The following CLCN7 variants were observed in gnomAD, a reference collection of about 807,000 sequenced individuals.
CLCN7 encodes the protein H(+)/Cl(-) exchange transporter 7.
CLCN7 carries 60 observed loss-of-function variants against 102.1 expected under a neutral mutation model. The observed-to-expected ratio is 0.59, with a 90% CI of 0.48 to 0.73. The LOEUF is 0.73. Ranked by LOEUF, CLCN7 falls within the 30% of genes least tolerant of loss-of-function variation. The pLI is 0.00. For synonymous variants in CLCN7, 560 were observed against 490.5 expected, an observed-to-expected ratio of 1.14 and a Z score of -1.87; for missense variants, 962 against 1,125.7, an observed-to-expected ratio of 0.85 and a Z score of 2.08.
At chr16:1,474,703 G>A (rs1159034042) in intron 1 of CLCN7, 131 bp downstream of exon 1, 7 of 820,440 alleles carry the variant, frequency 8.5e-6, no homozygotes, top group Non-Finnish European at 6.3e-6. Flanking sequence ...CCCGGGGCGC[G>A]TTCCCGAGTC....
intron 21 of CLCN7, 67 bp downstream of exon 21, chr16:1,448,288 G>A (rs1231019961): frequency 2.5e-6 from 4 of 1,596,294 alleles, no homozygotes; most frequent in Non-Finnish European, 3.4e-6. Flanking sequence ...ACCTTGCCGT[G>A]TGCTTCCCAC....
Position 1,455,715 on chromosome 16 carries a change from A to G in CLCN7, c.981+16T>C, listed in dbSNP as rs368289584. On this transcript the variant is annotated intron_variant, in intron 11 of 24. Coordinates refer to ENST00000382745, the MANE Select transcript of CLCN7 (RefSeq NM_001287.6). ...CATGCACCCTGATCAGGAGGCAGCC[A>G]TCAGCAGGAACTTACGATCCTCCAG... 1 of 1,613,410 alleles carries G rather than the reference A, an allele frequency of 6.2e-7. No homozygotes were observed. Among genetic ancestry groups the G allele is most frequent in the African/African-American group, 1.3e-5 (1 of 74,926 alleles).
chr16:1,460,342 C>T (rs765435400), intron 6 of CLCN7, 76 bp downstream of exon 6: 16 of 1,082,360 alleles, frequency 1.5e-5, no homozygotes, highest in Non-Finnish European at 2.1e-5. Flanking sequence ...GGGTGAGCTG[C>T]AGGGGTTCCC....
Position 1,451,617 on chromosome 16 carries a change from A to G in CLCN7, c.1447+6T>C, listed in dbSNP as rs1212036366. The G allele has an allele frequency of 6.2e-7, 1 of 1,610,590 alleles. No individual in the cohort carries two copies. The highest frequency in any genetic ancestry group is 1.1e-5 in the South Asian group (1 of 91,028). ...GGGCCTGCCCAGCGGCACTGCCCAC[A>G]CACACCTGGCGGGTCGTGGAAGAGG... On this transcript the variant is annotated splice_donor_region_variant and intron_variant, in intron 16 of 24. Coordinates refer to ENST00000382745, the MANE Select transcript of CLCN7 (RefSeq NM_001287.6).
Position 1,446,312 on chromosome 16 carries a change from G to C in CLCN7, c.*319C>G. The C allele has an allele frequency of 1.4e-6, 1 of 700,938 alleles. No individual in the cohort carries two copies. The highest frequency in any genetic ancestry group is 1.5e-5 in the South Asian group (1 of 67,540). The allele number at this position is 700,938 out of a possible 1,614,324, so 43.4% of individuals were successfully genotyped here. A position where few individuals can be genotyped will look rare whatever the true frequency, so the allele number is the denominator to read the frequency against. ...CAGGCACGCAGGTGCCGGCCCTGCC[G>C]CTGGCTCCCAAGAGGCCGATAGCCC... On this transcript the variant is annotated 3_prime_UTR_variant, in exon 25 of 25. Coordinates refer to ENST00000382745, the MANE Select transcript of CLCN7 (RefSeq NM_001287.6).
chr16:1,463,737 T>C (rs2038969253), intron 2 of CLCN7, among the ~76,000 whole-genome samples: 1 of 150,608 alleles, frequency 6.6e-6, no homozygotes, highest in Non-Finnish European at 1.5e-5. Flanking sequence ...TTTCCCAAAG[T>C]GTTGGGATTA....
At chr16:1,470,786 C>G (rs2039067898) in intron 1 of CLCN7, among the ~76,000 whole-genome samples, 1 of 152,208 alleles carries the variant, frequency 6.6e-6, no homozygotes, top group Non-Finnish European at 1.5e-5. Flanking sequence ...AGTTCTTTCT[C>G]AGGCTGCGGT....
At chr16:1,454,142 C>T (rs2038797258) in intron 13 of CLCN7, among the ~76,000 whole-genome samples, 1 of 152,272 alleles carries the variant, frequency 6.6e-6, no homozygotes, top group Non-Finnish European at 1.5e-5. Context: ...CTGGTGGGAG[C>T]AATTCTATCT....
At chr16:1,449,237 G>A (rs371196560) in intron 18 of CLCN7, 39 bp downstream of exon 18, 27 of 1,570,042 alleles carry the variant, frequency 1.7e-5, no homozygotes, top group East Asian at 2.4e-5. Flanking sequence ...TCCAGACCCC[G>A]TGGAGCTCCC....
rs1226530946 is a variant in CLCN7 at position 1,474,918 on chromosome 16, C to T, written c.57G>A (p.Glu19=). The T allele has an allele frequency of 4.8e-6, 7 of 1,473,320 alleles. No individual in the cohort carries two copies. The highest frequency in any genetic ancestry group is 5.4e-6 in the Non-Finnish European group (6 of 1,116,612). The allele number at this position is 1,473,320 out of a possible 1,614,324, so 91.3% of individuals were successfully genotyped here. A position where few individuals can be genotyped will look rare whatever the true frequency, so the allele number is the denominator to read the frequency against. The change falls in exon 1 of 25, where the codon GAG becomes GAA. Residue 19 remains glutamate (E), a synonymous_variant. Coordinates refer to ENST00000382745, the MANE Select transcript of CLCN7 (RefSeq NM_001287.6). ...CCGTCCTCCGCAGCAGCGGCGCCGC[C>T]TCCTCGTCGTCCCGGTCCCGGCCGG... ...SWSGRDRDDE[E]AAPLLRRTAR... is the part of the protein sequence containing the mutation.
At chr16:1,449,799 G>A (rs975357804) in intron 17 of CLCN7, 6 of 215,158 alleles carry the variant, frequency 2.8e-5, no homozygotes, top group Non-Finnish European at 5.6e-5. Context: ...ACTGCCTCGT[G>A]AACGTGAGAA....
At chr16:1,455,033 C>A in intron 12 of CLCN7, 101 bp downstream of exon 12, 1 of 795,652 alleles carries the variant, frequency 1.3e-6, no homozygotes, top group Non-Finnish European at 2.3e-6. Flanking sequence ...CAGCTATCAA[C>A]CAGAGTTTTC....
Position 1,457,444 on chromosome 16 carries a change from A to C in CLCN7, c.739-107T>G. 2 of 627,668 alleles carry C rather than the reference A, an allele frequency of 3.2e-6. No individual in the cohort carries two copies. The highest frequency in any genetic ancestry group is 5.8e-6 in the Non-Finnish European group (2 of 346,916). 38.9% of individuals were successfully genotyped at this position (627,668 alleles called of 1,614,324 possible). On this transcript the variant is annotated intron_variant, in intron 8 of 24. Coordinates refer to ENST00000382745, the MANE Select transcript of CLCN7 (RefSeq NM_001287.6). The surrounding 1 kb of genome is among the most constrained non-coding windows in gnomAD (Gnocchi z 5.4). Reference sequence around the variant, plus strand: ...ACGCGTGACGCGGCCCTTCCTGGAGACCAGAAGGACCGATGCTCAGAGACA... The same window carrying C: ...ACGCGTGACGCGGCCCTTCCTGGAGCCCAGAAGGACCGATGCTCAGAGACA...
In CLCN7 at chr16:1,464,189, A is replaced by G. The variant is rs114369404; in HGVS notation, c.213+1078T>C. On this transcript the variant is annotated intron_variant, in intron 2 of 24. Coordinates refer to ENST00000382745, the MANE Select transcript of CLCN7 (RefSeq NM_001287.6). ...TGTATTGGATGAGAGATTTGCATCT[A>G]TGTATAAAGAACTCCTGCAGCTCAA... Among the ~76,000 whole-genome samples, 1,210 of 152,340 alleles carry G rather than the reference A, an allele frequency of 7.9e-3. 27 individuals carry two copies. The highest frequency in any genetic ancestry group is 0.028 in the African/African-American group (1,149 of 41,560).
intron 2 of CLCN7, among the ~76,000 whole-genome samples, chr16:1,462,498 C>A (rs1488402387): frequency 6.7e-6 from 1 of 150,222 alleles, no homozygotes; most frequent in African/African-American, 2.5e-5. Flanking sequence ...GCCTCAGCCT[C>A]CCAAGTAGCT....
chr16:1,467,440 G>A (rs1008156464), intron 1 of CLCN7, among the ~76,000 whole-genome samples: 5 of 152,074 alleles, frequency 3.3e-5, no homozygotes, highest in Admixed American at 6.6e-5. Context: ...AAGGTGCCAC[G>A]GTCCAGGCAT....
chr16:1,452,809 G>A lies in CLCN7; in HGVS notation c.1299C>T (p.Tyr433=), dbSNP rs775029101. The part of the protein sequence containing the change: ...VTATVAFVLI[Y]SSRDCQPLQG... ...GCAGGGGCTGGCAATCCCGCGACGA[G>A]TAGATCAGCACGAAGGCAACTGTGG... Residue 433 remains tyrosine, a synonymous_variant, in exon 15 of 25, where the codon TAC becomes TAT. Transcript: ENST00000382745. 3 of 1,605,932 alleles carry A rather than the reference G, an allele frequency of 1.9e-6. No homozygotes were observed. The highest frequency in any genetic ancestry group is 2.5e-6 in the Non-Finnish European group (3 of 1,176,754).
chr16:1,456,941 A>G (rs951463340), intron 9 of CLCN7, among the ~76,000 whole-genome samples: 5 of 152,104 alleles, frequency 3.3e-5, no homozygotes, highest in African/African-American at 4.8e-5. Flanking sequence ...TGTCTTGACA[A>G]ATAAACAACA....
chr16:1,460,400 C>T lies in CLCN7; in HGVS notation c.594+18G>A, dbSNP rs749696607. 2.1e-5 allele frequency: 33 copies of T among 1,579,230 alleles called. No homozygotes were observed. The highest frequency in any genetic ancestry group is 1.3e-4 in the Admixed American group (8 of 59,964). On this transcript the variant is annotated intron_variant, in intron 6 of 24. Coordinates refer to ENST00000382745, the MANE Select transcript of CLCN7 (RefSeq NM_001287.6). ...TCCTTCATGGGGTCCGCCATAGCTG[C>T]GGCATCCTGCCACCCACCTCTATGA...
Sources: gnomAD v4.1 joint callset for allele counts (sites outside exome capture counted in the v4.1 genomes callset) on GRCh38, gnomAD v4.1.1 for gene constraint, Gnocchi (gnomAD v3.1) non-coding constraint, MANE v1.5 for transcripts, NCBI Gene and HGNC (gene_info 2026-07-23, HGNC 2026-07-21) for gene names.